The following ZP1 variants were observed in gnomAD, a reference collection of about 807,000 sequenced individuals.
ZP1 encodes zona pellucida sperm-binding protein 1.
A neutral mutation model predicts 67.4 loss-of-function variants in ZP1; 58 were observed. That is an observed-to-expected ratio of 0.86 (90% CI 0.70 to 1.07). The LOEUF is 1.07. ZP1 is among the 50% of genes least tolerant of loss of function. ZP1 has a pLI of 0.00. For missense variants in ZP1, 759 were observed against 807.3 expected (o/e 0.94, Z 0.72); for synonymous variants, 333 against 332.7 (o/e 1.00, Z -0.01).
In ZP1 at chr11:60,871,218, T is replaced by C. The variant is rs754640634; in HGVS notation, c.1016T>C (p.Val339Ala). The C allele has an allele frequency of 6.2e-7, 1 of 1,613,976 alleles. No individual in the cohort carries two copies. The highest frequency in any genetic ancestry group is 8.5e-7 in the Non-Finnish European group (1 of 1,180,032). The change falls in exon 6 of 12, where the codon GTG becomes GCG. Residue 339 changes from valine (V) to alanine (A), a missense_variant and splice_region_variant. Coordinates refer to ENST00000278853, the MANE Select transcript of ZP1 (RefSeq NM_207341.4). ...TCACCCAGCTGTCTCTTCCTACAGG[T>C]GGCTGGCGACCAGCTCATCTATGAG... ...PLTHCGTTMQVAGDQLIYENW... is the reference protein window; with the variant it reads ...PLTHCGTTMQAAGDQLIYENW...
chr11:60,873,315 T>A (rs757683777), intron 7 of ZP1, 26 bp downstream of exon 7: 31 of 1,585,216 alleles, frequency 2.0e-5, no homozygotes, highest in Non-Finnish European at 2.6e-5. Flanking sequence ...CCTGCTCTCT[T>A]CTGGCCCCCA....
At position 60,874,914 on chromosome 11, in the gene ZP1, G is replaced by A. The variant is rs771448656; in HGVS notation, c.1573-19G>A. The A allele has an allele frequency of 3.7e-6, 6 of 1,613,826 alleles. No homozygotes were observed. The African/African-American group carries it at 4.0e-5, about 11-fold the overall frequency. On this transcript the variant is annotated intron_variant, in intron 9 of 11. Coordinates refer to ENST00000278853, the MANE Select transcript of ZP1 (RefSeq NM_207341.4). ...GTGGCACTGAGCCAGCCACTTTGAT[G>A]TTCTTCTCCTTCCACCAGGTTTACT...
At chr11:60,873,062 C>T (rs1855611825) in intron 6 of ZP1, 100 bp from the exon 7 acceptor site, 2 of 1,351,670 alleles carry the variant, frequency 1.5e-6, no homozygotes, top group African/African-American at 2.9e-5. Flanking sequence ...TGGACAGTAC[C>T]CTATTTGTTG....
At position 60,869,904 on chromosome 11, in the gene ZP1, C is replaced by T. The variant is rs369918555; in HGVS notation, c.682+4C>T. On this transcript the variant is annotated splice_donor_region_variant and intron_variant, in intron 3 of 11. Coordinates refer to ENST00000278853, the MANE Select transcript of ZP1 (RefSeq NM_207341.4). ...GTGAACAAACGAGATTACATAGGTACGCAGGACATCTGAGTGTACTTACCC... is the reference window on the plus strand; with the variant it reads ...GTGAACAAACGAGATTACATAGGTATGCAGGACATCTGAGTGTACTTACCC... 58 of 1,541,080 alleles carry T rather than the reference C, an allele frequency of 3.8e-5. No individual in the cohort carries two copies. Among genetic ancestry groups the T allele is most frequent in the Admixed American group, 9.6e-5 (5 of 52,008 alleles).
rs200345260 is a variant in ZP1, at chr11:60,871,297, G to T, written c.1095G>T (p.Thr365=). Residue 365 remains threonine, a synonymous_variant, in exon 6 of 12, where the codon ACG becomes ACT. Coordinates refer to ENST00000278853, the MANE Select transcript of ZP1 (RefSeq NM_207341.4). The part of the protein sequence containing the change: ...HIQKGPQGSI[T]RDSTFQLHVR... ...AAAAGGGGCCACAGGGTTCCATCAC[G>T]CGGGACAGCACCTTCCAGTAAGGGC... 1 of 1,613,672 alleles carries T rather than the reference G, an allele frequency of 6.2e-7. No homozygotes were observed. The highest frequency in any genetic ancestry group is 8.5e-7 in the Non-Finnish European group (1 of 1,180,052).
At chr11:60,870,657 C>A in intron 4 of ZP1, 182 bp downstream of exon 4, 1 of 766,826 alleles carries the variant, frequency 1.3e-6, no homozygotes, top group Non-Finnish European at 2.0e-6. Context: ...CTTATAACAA[C>A]TGTCCCAGGG....
At position 60,871,015 on chromosome 11, in the gene ZP1, C is replaced by T. The variant is rs1476618646; in HGVS notation, c.885C>T (p.Ala295=). The change falls in exon 5 of 12, where the codon GCC becomes GCT. Residue 295 remains alanine (A), a synonymous_variant. Transcript: ENST00000278853. The part of the protein sequence containing the change: ...YFVLVVSQEM[A]LTHRITLANI... ...TCCTCGTGGTGTCCCAAGAAATGGC[C>T]TTGACACACAGGATCACACTGGCCA... 1.9e-6 allele frequency: 3 copies of T among 1,614,110 alleles called. No individual in the cohort carries two copies. Among genetic ancestry groups the T allele is most frequent in the African/African-American group, 2.7e-5 (2 of 74,942 alleles).
intron 6 of ZP1, among the ~76,000 whole-genome samples, chr11:60,871,962 G>T (rs1855579484): frequency 6.6e-6 from 1 of 152,222 alleles, no homozygotes; most frequent in African/African-American, 2.4e-5. Flanking sequence ...CCAATGGGTT[G>T]TAGAAATCTT....
At position 60,869,798 on chromosome 11, in the gene ZP1, C is replaced by T. The variant is rs1402567426; in HGVS notation, c.580C>T (p.Pro194Ser). 1.9e-6 allele frequency: 3 copies of T among 1,613,850 alleles called. No individual in the cohort carries two copies. Among genetic ancestry groups the T allele is most frequent in the East Asian group, 4.5e-5 (2 of 44,868 alleles). Residue 194 changes from proline (P) to serine (S), a missense_variant, in exon 3 of 12, where the codon CCT (proline) becomes TCT (serine). By Grantham distance (74) the Pro-to-Ser change is moderately conservative. Coordinates refer to ENST00000278853, the MANE Select transcript of ZP1 (RefSeq NM_207341.4). ...DPGHSSVHPT[P>S]ALPSPGPGPT... Reference sequence around the variant, plus strand: ...AGGGCACAGCTCTGTCCACCCAACCCCTGCTTTACCATCCCCTGGACCTGG... The same window carrying T: ...AGGGCACAGCTCTGTCCACCCAACCTCTGCTTTACCATCCCCTGGACCTGG...
chr11:60,868,751 A>T (rs148876134), intron 1 of ZP1, among the ~76,000 whole-genome samples: 1 of 152,170 alleles, frequency 6.6e-6, no homozygotes, highest in Non-Finnish European at 1.5e-5. Flanking sequence ...CATTGTGTGC[A>T]CCTAAGAAAG....
intron 7 of ZP1, 23 bp from the exon 8 acceptor site, chr11:60,873,352 C>T: frequency 6.3e-7 from 1 of 1,594,424 alleles, no homozygotes; most frequent in Non-Finnish European, 8.6e-7. Flanking sequence ...CCCGCCCTGG[C>T]TCATGAGTCA....
chr11:60,873,376 C>A lies in ZP1; in HGVS notation c.1242C>A (p.Asp414Glu), dbSNP rs372570680. ...PLRLELRIAK[D>E]ETFSSYYGED... Reference sequence around the variant, plus strand: ...GCTCATGAGTCACTCTCCCTGCAGACGAGACCTTCAGCTCGTACTATGGGG... The same window carrying A: ...GCTCATGAGTCACTCTCCCTGCAGAAGAGACCTTCAGCTCGTACTATGGGG... The change falls in exon 8 of 12, where the codon GAC becomes GAA. Residue 414 changes from aspartate (D) to glutamate (E), a missense_variant and splice_region_variant. Asp to Glu is a conservative substitution (Grantham distance 45, BLOSUM62 2). Transcript: ENST00000278853. 3.1e-6 allele frequency: 5 copies of A among 1,602,002 alleles called. No homozygotes were observed. In the East Asian group the frequency reaches 9.0e-5, roughly 29 times the overall value.
Position 60,867,758 on chromosome 11 carries a change from G to A in ZP1, c.196+1G>A, listed in dbSNP as rs750921209. On this transcript the variant is annotated splice_donor_variant, in intron 1 of 11. Coordinates refer to ENST00000278853, the MANE Select transcript of ZP1 (RefSeq NM_207341.4). LOFTEE classifies it high-confidence loss of function. Reference sequence around the variant, plus strand: ...CAGACTCTCCGCTTCAAGGTGGTGGGTGAGTGCTGGCAGAGTCCTGGCCCC... The same window carrying A: ...CAGACTCTCCGCTTCAAGGTGGTGGATGAGTGCTGGCAGAGTCCTGGCCCC... 22 of 1,612,652 alleles carry A rather than the reference G, an allele frequency of 1.4e-5. No homozygotes were observed. The Admixed American group carries it at 3.0e-4, about 22-fold the overall frequency.
Position 60,870,416 on chromosome 11 carries a change from A to C in ZP1, c.767A>C (p.Gln256Pro). Residue 256 changes from glutamine to proline, a missense_variant, in exon 4 of 12, where the codon CAG becomes CCG. By Grantham distance (76) the Gln-to-Pro change is moderately conservative. Coordinates refer to ENST00000278853, the MANE Select transcript of ZP1 (RefSeq NM_207341.4). ...AGAAGAACTTCAAAAGAAGCCTGTC[A>C]GCAGGCTGGCTGCTGCTATGACAAC... ...IVRRTSKEAC[Q>P]QAGCCYDNTR... The C allele has an allele frequency of 1.9e-6, 3 of 1,613,606 alleles. No homozygotes were observed. The highest frequency in any genetic ancestry group is 2.5e-6 in the Non-Finnish European group (3 of 1,179,800).
intron 2 of ZP1, 34 bp downstream of exon 2, chr11:60,869,300 G>A (rs1855522798): frequency 1.9e-6 from 3 of 1,613,130 alleles, no homozygotes; most frequent in Admixed American, 1.7e-5. Context: ...ACAGGGGCAA[G>A]CTTGTCCTAG....
In ZP1 at chr11:60,869,642, C is replaced by A; in HGVS notation, c.424C>A (p.Arg142=). The change falls in exon 3 of 12, where the codon CGG becomes AGG. Residue 142 remains arginine (R), a synonymous_variant. Coordinates refer to ENST00000278853, the MANE Select transcript of ZP1 (RefSeq NM_207341.4). ...GATCTGTCCCAAACCTGACCCCTCC[C>A]GGACTCTGGACTCCCAGCTGGCACC... The part of the protein sequence containing the change: ...TLICPKPDPS[R]TLDSQLAPPA... The A allele has an allele frequency of 6.2e-7, 1 of 1,614,176 alleles. No homozygotes were observed. Among genetic ancestry groups the A allele is most frequent in the South Asian group, 1.1e-5 (1 of 91,082 alleles).
At chr11:60,868,185 T>C (rs1481405148) in intron 1 of ZP1, among the ~76,000 whole-genome samples, 1 of 152,208 alleles carries the variant, frequency 6.6e-6, no homozygotes, top group Non-Finnish European at 1.5e-5. Flanking sequence ...TAGCTGGGAC[T>C]ACAGGTGTGT....
chr11:60,875,135 G>C lies in ZP1; in HGVS notation c.1661G>C (p.Arg554Pro). ...TCATTCTTCCCCTGGGCAGGACAGCGACGATCCTCAGGTCACCGTAATGAC... is the reference window on the plus strand; with the variant it reads ...TCATTCTTCCCCTGGGCAGGACAGCCACGATCCTCAGGTCACCGTAATGAC... ...TACSTGTTRQ[R>P]RSSGHRNDTA... The change falls in exon 11 of 12, where the codon CGA becomes CCA. Residue 554 changes from arginine to proline, a missense_variant. By Grantham distance (103) the Arg-to-Pro change is moderately radical. Coordinates refer to ENST00000278853, the MANE Select transcript of ZP1 (RefSeq NM_207341.4). 1 of 1,613,924 alleles carries C rather than the reference G, an allele frequency of 6.2e-7. No homozygotes were observed. Among genetic ancestry groups the C allele is most frequent in the Non-Finnish European group, 8.5e-7 (1 of 1,180,022 alleles).
intron 1 of ZP1, 74 bp downstream of exon 1, chr11:60,867,831 C>A (rs762002588): frequency 1.0e-4 from 155 of 1,516,162 alleles, no homozygotes; most frequent in Non-Finnish European, 1.3e-4. Flanking sequence ...GGGACCCTTC[C>A]CCTGAAGGAG....
Sources: gnomAD v4.1 joint callset for allele counts (sites outside exome capture counted in the v4.1 genomes callset) on GRCh38, gnomAD v4.1.1 for gene constraint, MANE v1.5 for transcripts, NCBI Gene and HGNC (gene_info 2026-07-23, HGNC 2026-07-21) for gene names.